Variants in ZBTB44 observed in about 807,000 individuals in gnomAD.
The protein encoded by ZBTB44 is zinc finger and BTB domain containing 44.
A neutral mutation model predicts 54.0 loss-of-function variants in ZBTB44; 15 were observed. The ratio of observed to expected loss-of-function variants is 0.28; its 90% CI spans 0.19 to 0.43. The LOEUF is 0.43. Ranked by LOEUF, ZBTB44 falls within the 20% of genes least tolerant of loss-of-function variation. The pLI, the probability that ZBTB44 is intolerant of heterozygous loss-of-function variation, is 1.00. For synonymous variants in ZBTB44, 230 were observed against 250.1 expected, an observed-to-expected ratio of 0.92 and a Z score of 0.76; for missense variants, 487 against 707.1, an observed-to-expected ratio of 0.69 and a Z score of 3.53.
At position 130,267,667 on chromosome 11, in the gene ZBTB44, G is replaced by A. The variant is rs189541163; in HGVS notation, c.-56-5738C>T. Among the ~76,000 whole-genome samples the A allele has an allele frequency of 1.3e-3, 200 of 152,138 alleles. 1 individual carries two copies. Among genetic ancestry groups the A allele is most frequent in the African/African-American group, 4.6e-3 (191 of 41,542 alleles). On this transcript the variant is annotated intron_variant, in intron 1 of 7. Transcript: ENST00000357899. Reference sequence around the variant, plus strand: ...CCTGGCCTCAGCATTGCAAAGTGCTGAGATTACAGGTTTGAACTACTACAC... The same window carrying A: ...CCTGGCCTCAGCATTGCAAAGTGCTAAGATTACAGGTTTGAACTACTACAC...
At chr11:130,293,403 G>C (rs1334211625) in intron 1 of ZBTB44, among the ~76,000 whole-genome samples, 1 of 151,420 alleles carries the variant, frequency 6.6e-6, no homozygotes, top group East Asian at 1.9e-4. Context: ...GAGCCTGGGA[G>C]GTTGAGACTA....
chr11:130,279,660 AAACC>A (rs112723247), intron 1 of ZBTB44, among the ~76,000 whole-genome samples: 67 of 151,790 alleles, frequency 4.4e-4, no homozygotes, highest in Non-Finnish European at 6.9e-4. Flanking sequence ...CTCTGTCTCA[AAACC>A]AACCAACCAA....
intron 1 of ZBTB44, among the ~76,000 whole-genome samples, chr11:130,289,312 G>T (rs958386894): frequency 1.3e-5 from 2 of 151,852 alleles, no homozygotes; most frequent in African/African-American, 2.4e-5. Context: ...GTGAAACCCC[G>T]TCTCTACTAA....
intron 1 of ZBTB44, among the ~76,000 whole-genome samples, chr11:130,279,719 G>T (rs973610568): frequency 6.6e-6 from 1 of 151,628 alleles, no homozygotes; most frequent in African/African-American, 2.4e-5. Flanking sequence ...AACAGTTTGA[G>T]GTCTATCTGA....
chr11:130,305,088 A>C (rs1177326733), intron 1 of ZBTB44, among the ~76,000 whole-genome samples: 1 of 152,180 alleles, frequency 6.6e-6, no homozygotes, highest in Non-Finnish European at 1.5e-5. Flanking sequence ...ACTACAAAAC[A>C]CTGTTCAAAC....
At chr11:130,296,988 G>A (rs571339815) in intron 1 of ZBTB44, 4 of 743,638 alleles carry the variant, frequency 5.4e-6, no homozygotes, top group Middle Eastern at 2.4e-4. Context: ...AATCAAGAAA[G>A]TTGAGAAGTC....
chr11:130,287,286 T>C (rs75555357), intron 1 of ZBTB44, among the ~76,000 whole-genome samples: 6,223 of 152,236 alleles, frequency 0.041, 314 homozygotes, highest in African/African-American at 0.12. Flanking sequence ...TTTATAAAAA[T>C]TACAGATACT....
intron 1 of ZBTB44, chr11:130,295,684 G>C (rs1413277679): frequency 2.1e-6 from 3 of 1,450,508 alleles, no homozygotes; most frequent in South Asian, 1.1e-5. Context: ...GAAAGTATCA[G>C]ACCACTTCTG....
At chr11:130,275,560 A>G (rs1274961688) in intron 1 of ZBTB44, among the ~76,000 whole-genome samples, 2 of 152,202 alleles carry the variant, frequency 1.3e-5, no homozygotes, top group South Asian at 2.1e-4. Flanking sequence ...TAATTACCAC[A>G]TATTTGTGAG....
chr11:130,246,070 T>C (rs914608038), intron 2 of ZBTB44, among the ~76,000 whole-genome samples: 6 of 152,210 alleles, frequency 3.9e-5, no homozygotes, highest in African/African-American at 1.4e-4. Flanking sequence ...CACTCCAAGC[T>C]AAAATGAGTT....
intron 1 of ZBTB44, among the ~76,000 whole-genome samples, chr11:130,311,203 A>C (rs1207499017): frequency 6.6e-6 from 1 of 152,074 alleles, no homozygotes; most frequent in Non-Finnish European, 1.5e-5. Flanking sequence ...GGAGAAAGCA[A>C]ATAAGTTTAT....
intron 1 of ZBTB44, among the ~76,000 whole-genome samples, chr11:130,308,956 T>C (rs1213150063): frequency 6.6e-6 from 1 of 152,224 alleles, no homozygotes; most frequent in Non-Finnish European, 1.5e-5. Context: ...GGTATAAGTC[T>C]GCCTTTCTTC....
At chr11:130,277,354 T>G (rs1296607599) in intron 1 of ZBTB44, among the ~76,000 whole-genome samples, 1 of 152,262 alleles carries the variant, frequency 6.6e-6, no homozygotes, top group Non-Finnish European at 1.5e-5. Flanking sequence ...TTAATTCTTG[T>G]GACAGACAAA....
chr11:130,274,298 G>A (rs937133809), intron 1 of ZBTB44, among the ~76,000 whole-genome samples: 1 of 152,144 alleles, frequency 6.6e-6, no homozygotes, highest in African/African-American at 2.4e-5. Flanking sequence ...ACGTGTATAA[G>A]ATCAGGTCAT....
intron 1 of ZBTB44, among the ~76,000 whole-genome samples, chr11:130,301,088 T>C (rs1417679682): frequency 6.6e-6 from 1 of 151,958 alleles, no homozygotes; most frequent in East Asian, 2.0e-4. Flanking sequence ...AAACGGGTGA[T>C]AACAGATGGT....
intron 1 of ZBTB44, among the ~76,000 whole-genome samples, chr11:130,264,307 G>A (rs1939091957): frequency 6.6e-6 from 1 of 152,116 alleles, no homozygotes; most frequent in Non-Finnish European, 1.5e-5. Flanking sequence ...AGAAACCACA[G>A]CCAGCAAATG....
At chr11:130,313,966 A>ATATATATATATATATATTTT (rs1160244728) in intron 1 of ZBTB44, among the ~76,000 whole-genome samples, 1 of 116,134 alleles carries the variant, frequency 8.6e-6, no homozygotes, top group African/African-American at 2.8e-5. Flanking sequence ...ATATATATAT[A>ATATATATATATATATATTTT]TTTTTTTAAA....
chr11:130,250,582 A>G (rs532413642), intron 2 of ZBTB44, among the ~76,000 whole-genome samples: 9 of 152,346 alleles, frequency 5.9e-5, no homozygotes, highest in African/African-American at 2.2e-4. Context: ...CAGAGGAAGC[A>G]GCAGGCAGCA....
intron 3 of ZBTB44, 131 bp from the exon 4 acceptor site, chr11:130,238,738 T>G: frequency 1.0e-6 from 1 of 952,916 alleles, no homozygotes; most frequent in East Asian, 3.0e-5. Flanking sequence ...ACTGTTAGAC[T>G]TCAAGTTTTA....
Sources: gnomAD v4.1 joint callset for allele counts (sites outside exome capture counted in the v4.1 genomes callset) on GRCh38, gnomAD v4.1.1 for gene constraint, MANE v1.5 for transcripts, NCBI Gene and HGNC (gene_info 2026-07-23, HGNC 2026-07-21) for gene names.